Variants in ANK3 observed in about 807,000 individuals in gnomAD.
The protein encoded by ANK3 is ankyrin-3.
Under a neutral mutation model 370.9 loss-of-function variants are expected in ANK3, and 57 were observed. The ratio of observed to expected loss-of-function variants is 0.15; its 90% CI spans 0.12 to 0.19. The LOEUF (loss-of-function observed/expected upper bound fraction) is 0.19, where lower values mean the gene tolerates loss of function less well. Among genes scored for constraint, ANK3 ranks in the 10% least tolerant of loss-of-function variants. The pLI is 1.00. For missense variants in ANK3, 4,439 were observed against 5,302.1 expected (o/e 0.84, Z 5.06); for synonymous variants, 1,929 against 1,946.3 (o/e 0.99, Z 0.23).
At chr10:60,190,013 C>T (rs1215229625) in intron 16 of ANK3, among the ~76,000 whole-genome samples, 1 of 152,158 alleles carries the variant, frequency 6.6e-6, no homozygotes, top group East Asian at 1.9e-4. Context: ...TGCCTGAACT[C>T]AAGCCAATCC....
At chr10:60,475,705 G>T (rs1414248034) in intron 2 of ANK3, among the ~76,000 whole-genome samples, 1 of 152,126 alleles carries the variant, frequency 6.6e-6, no homozygotes, top group South Asian at 2.1e-4. Flanking sequence ...ATTACTAAGT[G>T]ATAATTATTC....
intron 1 of ANK3, among the ~76,000 whole-genome samples, chr10:60,724,629 G>C (rs988981929): frequency 1.3e-5 from 2 of 152,124 alleles, no homozygotes; most frequent in African/African-American, 4.8e-5. Context: ...TGGCACATCA[G>C]TCTCTATTAT....
intron 17 of ANK3, among the ~76,000 whole-genome samples, chr10:60,183,591 G>A (rs2096254100): frequency 6.6e-6 from 1 of 152,068 alleles, no homozygotes; most frequent in Non-Finnish European, 1.5e-5. Flanking sequence ...GGGCACAGTG[G>A]CTCACGTCTA....
chr10:60,385,473 G>GCA (rs2062126237), intron 1 of ANK3, among the ~76,000 whole-genome samples: 1 of 151,978 alleles, frequency 6.6e-6, no homozygotes, highest in Non-Finnish European at 1.5e-5. Context: ...GGGTGTTACT[G>GCA]TAGTGTTGCC....
At chr10:60,288,001 A>G (rs561033422) in intron 1 of ANK3, among the ~76,000 whole-genome samples, 1 of 152,326 alleles carries the variant, frequency 6.6e-6, no homozygotes, top group East Asian at 1.9e-4. Flanking sequence ...AGGCCCTTTA[A>G]AACCTGTCCC....
rs762639202 is a variant in ANK3, at chr10:60,074,235, C to T, written c.6646G>A (p.Val2216Ile). 1 of 1,614,096 alleles carries T rather than the reference C, an allele frequency of 6.2e-7. No individual in the cohort carries two copies. Residue 2216 changes from valine (V) to isoleucine (I), a missense_variant, in exon 37 of 44, where the codon GTT becomes ATT. By Grantham distance (29) the Val-to-Ile change is conservative. This residue lies in a region of ANK3 where 1,601 missense variants were observed against 1,731.7 expected (regional missense o/e 0.92). Transcript: ENST00000280772. ...KPTTSSIKEK[V>I]KAFQMKASSE... The stretch of plus-strand genomic sequence containing the variant: ...CTGGCTTTCATTTGAAATGCTTTAA[C>T]CTTTTCTTTAATACTAGAGGTGGTG...
chr10:60,127,638 A>G (rs1289098992), intron 25 of ANK3, among the ~76,000 whole-genome samples: 1 of 152,086 alleles, frequency 6.6e-6, no homozygotes, highest in Non-Finnish European at 1.5e-5. Flanking sequence ...TATCTGTCTG[A>G]AGGTCAAATA....
At chr10:60,337,813 C>A (rs2053360582) in intron 1 of ANK3, among the ~76,000 whole-genome samples, 1 of 152,220 alleles carries the variant, frequency 6.6e-6, no homozygotes, top group African/African-American at 2.4e-5. Context: ...TTATTACTCA[C>A]ACATCCTGGT....
At chr10:60,455,585 C>T (rs1348855937) in intron 2 of ANK3, among the ~76,000 whole-genome samples, 1 of 152,078 alleles carries the variant, frequency 6.6e-6, no homozygotes, top group South Asian at 2.1e-4. Flanking sequence ...CTTTACTTTG[C>T]CTATAAATAT....
intron 2 of ANK3, among the ~76,000 whole-genome samples, chr10:60,576,676 T>G (rs534135280): frequency 1.3e-5 from 2 of 152,380 alleles, no homozygotes; most frequent in African/African-American, 4.8e-5. Context: ...TAAATCTTAC[T>G]AACAGCATTC....
chr10:60,330,870 T>C (rs2051074575), intron 1 of ANK3, among the ~76,000 whole-genome samples: 1 of 152,176 alleles, frequency 6.6e-6, no homozygotes, highest in African/African-American at 2.4e-5. Context: ...CCAACCCAAA[T>C]GCCCATCAAT....
intron 2 of ANK3, among the ~76,000 whole-genome samples, chr10:60,587,134 G>C (rs1833167588): frequency 6.6e-6 from 1 of 152,136 alleles, no homozygotes; most frequent in African/African-American, 2.4e-5. Context: ...AGAGAAGAAA[G>C]CATGTGTAGA....
intron 11 of ANK3, among the ~76,000 whole-genome samples, chr10:60,203,647 G>C (rs1264407758): frequency 6.6e-6 from 1 of 152,144 alleles, no homozygotes; most frequent in Non-Finnish European, 1.5e-5. Flanking sequence ...TTAACTTTAT[G>C]GGTATTATAA....
chr10:60,553,339 G>A (rs971963508), intron 2 of ANK3, among the ~76,000 whole-genome samples: 11 of 152,058 alleles, frequency 7.2e-5, no homozygotes, highest in Non-Finnish European at 1.3e-4. Flanking sequence ...TTTGCTGTAG[G>A]ACTTAAGAAT....
intron 1 of ANK3, among the ~76,000 whole-genome samples, chr10:60,732,304 C>T (rs1025310537): frequency 6.6e-6 from 1 of 152,186 alleles, no homozygotes; most frequent in Non-Finnish European, 1.5e-5. Context: ...GGAACCTTTC[C>T]CTAGCCATTC....
At chr10:60,372,437 C>T (rs78137207) in intron 1 of ANK3, among the ~76,000 whole-genome samples, 29 of 151,914 alleles carry the variant, frequency 1.9e-4, no homozygotes, top group African/African-American at 6.8e-4. Flanking sequence ...AAACAGGGAG[C>T]GTTTAACTTG....
intron 2 of ANK3, among the ~76,000 whole-genome samples, chr10:60,416,873 C>A (rs117635239): frequency 7.2e-5 from 11 of 152,076 alleles, no homozygotes; most frequent in African/African-American, 2.2e-4. Flanking sequence ...TCCATGAAAC[C>A]GTACACTTAA....
intron 2 of ANK3, among the ~76,000 whole-genome samples, chr10:60,446,614 C>G (rs976057972): frequency 6.6e-6 from 1 of 152,154 alleles, no homozygotes; most frequent in Non-Finnish European, 1.5e-5. Context: ...TTCTTTTGAG[C>G]TTTTCCATAC....
intron 2 of ANK3, among the ~76,000 whole-genome samples, chr10:60,458,045 G>C (rs1427807570): frequency 6.6e-6 from 1 of 151,998 alleles, no homozygotes; most frequent in African/African-American, 2.4e-5. Flanking sequence ...AATAAAAGGG[G>C]TAAGGATGGA....
Sources: gnomAD v4.1 joint callset for allele counts (sites outside exome capture counted in the v4.1 genomes callset) on GRCh38, gnomAD v4.1.1 for gene constraint, gnomAD v4.1.1 regional missense constraint, MANE v1.5 for transcripts, NCBI Gene and HGNC (gene_info 2026-07-23, HGNC 2026-07-21) for gene names.